CCDC192: variants seen among roughly 807,000 people sequenced by gnomAD.
CCDC192 encodes the protein coiled-coil domain-containing protein 192.
At chr5:127,722,298 TTTAA>T (rs1752070807) in intron 2 of CCDC192, among the ~76,000 whole-genome samples, 1 of 151,436 alleles carries the variant, frequency 6.6e-6, no homozygotes, top group Admixed American at 6.6e-5. Flanking sequence ...TTTGCTCATT[TTTAA>T]TTAGAGTACT....
At chr5:127,847,768 A>G (rs537839936) in intron 5 of CCDC192, among the ~76,000 whole-genome samples, 2 of 151,806 alleles carry the variant, frequency 1.3e-5, no homozygotes, top group East Asian at 3.9e-4. Flanking sequence ...GGTTGCGGTG[A>G]GCCAAGTTTG....
At chr5:127,715,493 C>T (rs140487156) in intron 2 of CCDC192, among the ~76,000 whole-genome samples, 254 of 152,242 alleles carry the variant, frequency 1.7e-3, no homozygotes, top group African/African-American at 5.1e-3. Flanking sequence ...CATTGCTTTG[C>T]AGTATATTTA....
Position 127,869,315 on chromosome 5 carries a change from A to C in CCDC192, c.412-6223A>C, listed in dbSNP as rs556420901. On this transcript the variant is annotated intron_variant, in intron 5 of 6. Transcript: ENST00000514853. Reference sequence around the variant, plus strand: ...TTCCACCCTGGGCAATAAGAGCAAAACTCCATCTCAAAAAAATAAAATAAA... The same window carrying C: ...TTCCACCCTGGGCAATAAGAGCAAACCTCCATCTCAAAAAAATAAAATAAA... Among the ~76,000 whole-genome samples the C allele has an allele frequency of 1.1e-4, 17 of 152,062 alleles. 1 individual carries two copies. The South Asian group carries it at 3.3e-3, about 30-fold the overall frequency.
intron 6 of CCDC192, among the ~76,000 whole-genome samples, chr5:127,938,518 CA>C (rs1203380305): frequency 6.6e-6 from 1 of 152,062 alleles, no homozygotes; most frequent in East Asian, 1.9e-4. Flanking sequence ...CAGCATTATC[CA>C]ACAGAAATAT....
chr5:127,743,384 C>T lies in CCDC192; in HGVS notation c.115-10884C>T, dbSNP rs763204160. Among the ~76,000 whole-genome samples the T allele has an allele frequency of 5.9e-5, 9 of 152,182 alleles. 1 individual carries two copies. Among genetic ancestry groups the T allele is most frequent in the Admixed American group, 3.3e-4 (5 of 15,278 alleles). On this transcript the variant is annotated intron_variant, in intron 2 of 6. Coordinates refer to ENST00000514853, the MANE Select transcript of CCDC192 (RefSeq NM_001317938.2). ...AATCATCCCTTCGTTTAACTCTCCT[C>T]GGTTTCTGCATTGGAGTAGCCATCT... is the stretch of plus-strand genomic sequence containing the variant.
Position 127,941,319 on chromosome 5 carries a change from G to A in CCDC192, c.673G>A (p.Glu225Lys), listed in dbSNP as rs999312345. ...ERITQLKEVL[E>K]EKERKIQQLE... ...AATTACTCAGCTGAAAGAAGTTTTG[G>A]AGGAAAAGGAAAGGAAGATTCAGCA... The change falls in exon 7 of 7, where the codon GAG becomes AAG. Residue 225 changes from glutamate (E) to lysine (K), a missense_variant. Glu to Lys is a moderately conservative substitution (Grantham distance 56). Transcript: ENST00000514853. 15 of 398,932 alleles carry A rather than the reference G, an allele frequency of 3.8e-5. No homozygotes were observed. The highest frequency in any genetic ancestry group is 3.1e-4 in the African/African-American group (15 of 48,628). The allele number at this position is 398,932 out of a possible 1,614,324, so 24.7% of individuals were successfully genotyped here. A position where few individuals can be genotyped will look rare whatever the true frequency, so the allele number is the denominator to read the frequency against.
chr5:127,780,344 G>T (rs73345048), intron 3 of CCDC192, among the ~76,000 whole-genome samples: 3 of 152,058 alleles, frequency 2.0e-5, no homozygotes, highest in African/African-American at 7.2e-5. Flanking sequence ...GGGGTTTCTG[G>T]ATCAAATGGT....
At chr5:127,806,084 T>A (rs1363394036) in intron 5 of CCDC192, among the ~76,000 whole-genome samples, 1 of 152,216 alleles carries the variant, frequency 6.6e-6, no homozygotes, top group Non-Finnish European at 1.5e-5. Context: ...GTTAAGAAGC[T>A]AATCTGTAAC....
intron 6 of CCDC192, among the ~76,000 whole-genome samples, chr5:127,886,813 A>G (rs1050886238): frequency 1.3e-5 from 2 of 152,186 alleles, no homozygotes; most frequent in Admixed American, 1.3e-4. Context: ...TCAAGGGTCA[A>G]TGGTAAATTG....
intron 3 of CCDC192, among the ~76,000 whole-genome samples, chr5:127,792,241 A>G (rs754929802): frequency 9.9e-5 from 15 of 152,120 alleles, no homozygotes; most frequent in Non-Finnish European, 1.5e-4. Context: ...CAACATGACT[A>G]CGAGGCCTCA....
At chr5:127,922,433 T>C (rs576526971) in intron 6 of CCDC192, among the ~76,000 whole-genome samples, 39 of 152,344 alleles carry the variant, frequency 2.6e-4, no homozygotes, top group African/African-American at 9.1e-4. Context: ...CTTAAGTACA[T>C]TGCAATGTTG....
intron 5 of CCDC192, among the ~76,000 whole-genome samples, chr5:127,817,105 T>C (rs1324017665): frequency 6.6e-6 from 1 of 152,202 alleles, no homozygotes; most frequent in Non-Finnish European, 1.5e-5. Flanking sequence ...GTCTTTCTTT[T>C]CCACCTATTA....
At chr5:127,844,358 A>G (rs1750431496) in intron 5 of CCDC192, among the ~76,000 whole-genome samples, 1 of 152,204 alleles carries the variant, frequency 6.6e-6, no homozygotes, top group Non-Finnish European at 1.5e-5. Context: ...ATTTAGAGAC[A>G]ATTTAGTTGA....
chr5:127,801,277 A>G (rs762369079), intron 5 of CCDC192, among the ~76,000 whole-genome samples: 1 of 152,206 alleles, frequency 6.6e-6, no homozygotes, highest in South Asian at 2.1e-4. Flanking sequence ...AGTATTAATA[A>G]GAGTTGCCTG....
chr5:127,941,349 G>A lies in CCDC192; in HGVS notation c.703G>A (p.Glu235Lys), dbSNP rs958124186. The change falls in exon 7 of 7, where the codon GAA becomes AAA. Residue 235 changes from glutamate (E) to lysine (K), a missense_variant. Transcript: ENST00000514853. ...AAAGGAAAGGAAGATTCAGCAGCTG[G>A]AAGCTGAGCGGAGTCCCCATCCTCC... ...EEKERKIQQLEAERSPHPPQE... is the reference protein window; with the variant it reads ...EEKERKIQQLKAERSPHPPQE... The A allele has an allele frequency of 5.0e-6, 2 of 399,100 alleles. No homozygotes were observed. The highest frequency in any genetic ancestry group is 8.8e-6 in the Non-Finnish European group (2 of 226,098). The allele number at this position is 399,100 out of a possible 1,614,324, so 24.7% of individuals were successfully genotyped here.
At chr5:127,831,753 T>A (rs1283540254) in intron 5 of CCDC192, among the ~76,000 whole-genome samples, 3 of 152,134 alleles carry the variant, frequency 2.0e-5, no homozygotes, top group African/African-American at 7.2e-5. Context: ...CATACACACA[T>A]ATGTACACAC....
intron 5 of CCDC192, among the ~76,000 whole-genome samples, chr5:127,845,032 T>C (rs1308075615): frequency 6.6e-6 from 1 of 152,156 alleles, no homozygotes; most frequent in South Asian, 2.1e-4. Context: ...TTAAGAAGGG[T>C]CATGTGTGGA....
chr5:127,727,690 A>T (rs1416449603), intron 2 of CCDC192, among the ~76,000 whole-genome samples: 1 of 152,198 alleles, frequency 6.6e-6, no homozygotes, highest in East Asian at 1.9e-4. Context: ...GCTGAGGCTG[A>T]GATGGATAAA....
Position 127,813,010 on chromosome 5 carries a change from C to G in CCDC192, c.411+14848C>G, listed in dbSNP as rs189395307. 8.9e-3 allele frequency among the ~76,000 whole-genome samples: 1,361 copies of G among 152,274 alleles called. 8 individuals carry two copies. The highest frequency in any genetic ancestry group is 0.012 in the Non-Finnish European group (839 of 68,026). On this transcript the variant is annotated intron_variant, in intron 5 of 6. Coordinates refer to ENST00000514853, the MANE Select transcript of CCDC192 (RefSeq NM_001317938.2). ...TTTTATGATGCATATTTCCTGTGCT[C>G]AGTGCTAAATCAAATGCAGCTGATT...
Sources: allele counts gnomAD v4.1 joint callset (sites outside exome capture counted in the v4.1 genomes callset), GRCh38; gene constraint gnomAD v4.1.1; transcripts MANE v1.5; gene names NCBI Gene and HGNC (gene_info 2026-07-23, HGNC 2026-07-21).